The following LARP1B variants were observed in gnomAD, a reference collection of about 807,000 sequenced individuals.
LARP1B encodes the protein La ribonucleoprotein 1B, also known as la-related protein 1B.
A neutral mutation model predicts 114.2 loss-of-function variants in LARP1B; 76 were observed. The ratio of observed to expected loss-of-function variants is 0.67; its 90% CI spans 0.55 to 0.81. The LOEUF is 0.81. LARP1B is among the 30% of genes least tolerant of loss of function. The pLI is 0.00. For missense variants in LARP1B, 1,014 were observed against 1,075.8 expected (o/e 0.94, Z 0.80); for synonymous variants, 345 against 348.0 (o/e 0.99, Z 0.10).
intron 15 of LARP1B, among the ~76,000 whole-genome samples, chr4:128,184,029 G>C (rs1333377532): frequency 2.0e-5 from 3 of 152,172 alleles, no homozygotes; most frequent in Non-Finnish European, 4.4e-5. Context: ...GCTTCTTATG[G>C]ACGAGCACAG....
At chr4:128,194,026 G>A (rs1390900656) in intron 15 of LARP1B, among the ~76,000 whole-genome samples, 1 of 152,194 alleles carries the variant, frequency 6.6e-6, no homozygotes, top group African/African-American at 2.4e-5. Context: ...GTCCATCAAA[G>A]AAGTATTCAT....
Position 128,206,464 on chromosome 4 carries a change from T to C in LARP1B, c.2346T>C (p.Tyr782=), listed in dbSNP as rs191978886. 47 of 1,612,936 alleles carry C rather than the reference T, an allele frequency of 2.9e-5. No homozygotes were observed. In the East Asian group the frequency reaches 7.8e-4, roughly 27 times the overall value. ...GLECLFRFYS[Y]GLEKKFRREI... is the part of the protein sequence containing the mutation. ...AATGTCTGTTCAGGTTTTATAGTTA[T>C]GGACTGGAAAAAAAATTCAGGCGAG... is the stretch of plus-strand genomic sequence containing the variant. Residue 782 remains tyrosine (Y), a synonymous_variant, in exon 18 of 20, where the codon TAT becomes TAC. Coordinates refer to ENST00000326639, the MANE Select transcript of LARP1B (RefSeq NM_018078.4).
chr4:128,107,854 G>GAA, intron 9 of LARP1B: 2 of 1,534,398 alleles, frequency 1.3e-6, no homozygotes, highest in Middle Eastern at 1.7e-4. Context: ...TCCCTCTTGG[G>GAA]AAAAAATGTG....
chr4:128,082,043 A>G (rs758042654), intron 4 of LARP1B, 122 bp from the exon 5 acceptor site: 99 of 972,298 alleles, frequency 1.0e-4, no homozygotes, highest in Non-Finnish European at 1.4e-4. Flanking sequence ...GCCTCTTTAC[A>G]AATAATCTTA....
At chr4:128,107,973 T>G in intron 9 of LARP1B, 3 of 1,531,998 alleles carry the variant, frequency 2.0e-6, no homozygotes, top group Non-Finnish European at 2.6e-6. Context: ...TTATAAATAC[T>G]GGAACAAATC....
intron 11 of LARP1B, among the ~76,000 whole-genome samples, chr4:128,147,457 A>G (rs1730856279): frequency 6.6e-6 from 1 of 152,228 alleles, no homozygotes; most frequent in Admixed American, 6.5e-5. Context: ...AAAACAGAGA[A>G]TAAGTAGTCT....
intron 1 of LARP1B, among the ~76,000 whole-genome samples, chr4:128,066,430 G>A (rs558395143): frequency 1.3e-4 from 19 of 150,588 alleles, no homozygotes; most frequent in Non-Finnish European, 2.4e-4. Flanking sequence ...CGCCGGCCTC[G>A]GCCTCCCAAA....
chr4:128,066,228 G>A (rs34475529), intron 1 of LARP1B, among the ~76,000 whole-genome samples: 82,050 of 143,646 alleles, frequency 0.57, 24,527 homozygotes, highest in Middle Eastern at 0.8. Flanking sequence ...CCAGGCTGGA[G>A]TGCAGTGGTG....
At chr4:128,150,260 C>T (rs1217536924) in intron 11 of LARP1B, among the ~76,000 whole-genome samples, 1 of 151,114 alleles carries the variant, frequency 6.6e-6, no homozygotes. Flanking sequence ...TAAAGGGACA[C>T]ATTCTATCTC....
intron 12 of LARP1B, among the ~76,000 whole-genome samples, chr4:128,170,448 A>T (rs1743062853): frequency 6.6e-6 from 1 of 152,138 alleles, no homozygotes; most frequent in African/African-American, 2.4e-5. Flanking sequence ...CACCACCTAT[A>T]ATTGCAGACT....
intron 1 of LARP1B, among the ~76,000 whole-genome samples, chr4:128,066,408 G>C (rs1426244364): frequency 6.6e-6 from 1 of 151,134 alleles, no homozygotes; most frequent in Admixed American, 6.6e-5. Context: ...TCGATCTGCT[G>C]ACCTCGTGAT....
intron 11 of LARP1B, among the ~76,000 whole-genome samples, chr4:128,153,996 C>T (rs1008928191): frequency 1.3e-5 from 2 of 152,140 alleles, no homozygotes; most frequent in African/African-American, 4.8e-5. Context: ...TACTGCCATG[C>T]GTCATCTCTC....
exon 7 of LARP1B, chr4:128,220,434 C>G (rs538354740): frequency 1.4e-6 from 1 of 712,696 alleles, no homozygotes; most frequent in East Asian, 1.3e-4. Flanking sequence ...AGACTTTTGA[C>G]AGGAAAGTGA....
intron 12 of LARP1B, among the ~76,000 whole-genome samples, chr4:128,170,403 C>T (rs2150544066): frequency 6.6e-6 from 1 of 152,240 alleles, no homozygotes; most frequent in African/African-American, 2.4e-5. Flanking sequence ...TTTTTGTCTA[C>T]TGGTTCTGTC....
chr4:128,166,970 C>CTCTCTCTCTCTATATA, intron 12 of LARP1B, among the ~76,000 whole-genome samples: 1 of 77,804 alleles, frequency 1.3e-5, no homozygotes, highest in African/African-American at 5.3e-5. Context: ...CTCTCTCTCT[C>CTCTCTCTCTCTATATA]TATATATATA....
chr4:128,077,516 G>GA (rs1768454097), intron 3 of LARP1B, among the ~76,000 whole-genome samples: 1 of 85,586 alleles, frequency 1.2e-5, no homozygotes, highest in Non-Finnish European at 2.3e-5. Flanking sequence ...CCCCGCCCCT[G>GA]CAAAAAAAAA....
intron 11 of LARP1B, among the ~76,000 whole-genome samples, chr4:128,128,131 C>T (rs1275227546): frequency 6.6e-6 from 1 of 152,094 alleles, no homozygotes; most frequent in Non-Finnish European, 1.5e-5. Flanking sequence ...TCAAAATTAA[C>T]TTGAGTTAAA....
chr4:128,123,600 ATTTG>A, intron 11 of LARP1B: 2 of 436,002 alleles, frequency 4.6e-6, no homozygotes, highest in Non-Finnish European at 6.1e-6. Flanking sequence ...ATTTTTTTCT[ATTTG>A]TTCATTACTA....
intron 11 of LARP1B, among the ~76,000 whole-genome samples, chr4:128,160,219 G>A (rs1737802645): frequency 6.6e-6 from 1 of 152,216 alleles, no homozygotes; most frequent in Non-Finnish European, 1.5e-5. Flanking sequence ...GTAGTTTGCT[G>A]ACCTCTGCTG....
Sources: gnomAD v4.1 joint callset for allele counts (sites outside exome capture counted in the v4.1 genomes callset) on GRCh38, gnomAD v4.1.1 for gene constraint, MANE v1.5 for transcripts, NCBI Gene and HGNC (gene_info 2026-07-23, HGNC 2026-07-21) for gene names.